The following TJP3 variants were observed in gnomAD, a reference collection of about 807,000 sequenced individuals.
TJP3 encodes tight junction protein ZO-3.
In TJP3, 85 loss-of-function variants were observed where a neutral mutation model predicts 104.2. The observed-to-expected ratio is 0.82, with a 90% CI of 0.68 to 0.98. TJP3 has a LOEUF of 0.98. Among genes scored for constraint, TJP3 ranks in the 50% least tolerant of loss-of-function variants. The pLI, the probability that TJP3 is intolerant of heterozygous loss-of-function variation, is 0.00. For synonymous variants in TJP3, 550 were observed against 550.6 expected, an observed-to-expected ratio of 1.00 and a Z score of 0.02; for missense variants, 1,367 against 1,322.8, an observed-to-expected ratio of 1.03 and a Z score of -0.52.
At chr19:3,749,292 C>T (rs2036956578) in intron 19 of TJP3, among the ~76,000 whole-genome samples, 1 of 152,120 alleles carries the variant, frequency 6.6e-6, no homozygotes, top group South Asian at 2.1e-4. Context: ...AGTTTTGGCA[C>T]ATAGTAGTTG....
In TJP3 at chr19:3,746,518, G is replaced by A. The variant is rs777190792; in HGVS notation, c.2044G>A (p.Ala682Thr). ...KHALLDVTPS[A>T]IERLNYVQYY... ...TGCGCTCCTGGATGTGACCCCCTCCGCCATCGAGCGCCTCAACTATGTGCA... is the reference window on the plus strand; with the variant it reads ...TGCGCTCCTGGATGTGACCCCCTCCACCATCGAGCGCCTCAACTATGTGCA... Residue 682 changes from alanine to threonine, a missense_variant, in exon 17 of 21, where the codon GCC becomes ACC. By Grantham distance (58) the Ala-to-Thr change is moderately conservative. Transcript: ENST00000541714. This position sits in a 1 kb window ranked among gnomAD's most constrained non-coding sequence, Gnocchi z 4.1. 7.4e-6 allele frequency: 12 copies of A among 1,613,814 alleles called. No individual in the cohort carries two copies. Among genetic ancestry groups the A allele is most frequent in the Middle Eastern group, 1.6e-4 (1 of 6,084 alleles).
At chr19:3,718,626 G>A (rs556436096) in intron 1 of TJP3, among the ~76,000 whole-genome samples, 7 of 151,432 alleles carry the variant, frequency 4.6e-5, no homozygotes, top group South Asian at 2.1e-4. Context: ...GCGCCACCAC[G>A]CCCAGCTAAT....
At chr19:3,712,778 G>A (rs595952) in intron 1 of TJP3, among the ~76,000 whole-genome samples, 102,077 of 151,606 alleles carry the variant, frequency 0.67, 35,011 homozygotes, top group East Asian at 1. Context: ...GCGAGATACC[G>A]TCTCTACAAA....
At chr19:3,743,882 A>G in intron 14 of TJP3, 57 bp from the exon 15 acceptor site, 3 of 1,506,150 alleles carry the variant, frequency 2.0e-6, no homozygotes, top group Non-Finnish European at 2.8e-6. Flanking sequence ...ACAACACACT[A>G]GCAGTCTTTG....
intron 1 of TJP3, among the ~76,000 whole-genome samples, chr19:3,718,212 AGTGTGT>A (rs71339057): frequency 0.029 from 1,414 of 48,130 alleles, 51 homozygotes; most frequent in African/African-American, 0.093. Flanking sequence ...AAAAAAAAAA[AGTGTGT>A]GTGTGTGTGT....
chr19:3,738,994 C>G lies in TJP3; in HGVS notation c.1491C>G (p.Thr497=), dbSNP rs773081941. 1.3e-5 allele frequency: 21 copies of G among 1,613,128 alleles called. 1 individual carries two copies. In the South Asian group the frequency reaches 2.2e-4, roughly 17 times the overall value. The change falls in exon 13 of 21, where the codon ACC becomes ACG. Residue 497 remains threonine (T), a synonymous_variant. Transcript: ENST00000541714. ...EPSPPSGLGF[T]RGDVFHVLDT... ...GTCCACCGTCTGGCCTGGGCTTCAC[C>G]CGTGGCGACGTCTTCCACGTGCTGG...
Position 3,717,336 on chromosome 19 carries a change from C to G in TJP3, c.-10+8775C>G, listed in dbSNP as rs1183338839. ...CAGGCTGGTCTCAAACTCCTGACCT[C>G]AAGTGATTCGGCCGCCTTGGCCATC... On this transcript the variant is annotated intron_variant, in intron 1 of 20. Coordinates refer to ENST00000541714, the MANE Select transcript of TJP3 (RefSeq NM_001267560.2). 1.6e-5 allele frequency among the ~76,000 whole-genome samples: 2 copies of G among 126,164 alleles called. 1 individual carries two copies. Among genetic ancestry groups the G allele is most frequent in the South Asian group, 6.1e-4 (2 of 3,278 alleles). 82.8% of individuals were successfully genotyped at this position (126,164 alleles called of 152,430 possible). A position where few individuals can be genotyped will look rare whatever the true frequency, so the allele number is the denominator to read the frequency against.
intron 1 of TJP3, among the ~76,000 whole-genome samples, chr19:3,719,802 A>G (rs1321109021): frequency 6.6e-5 from 10 of 152,056 alleles, no homozygotes; most frequent in Non-Finnish European, 1.3e-4. Flanking sequence ...GTGCGTTGAA[A>G]TGCCTTCTAC....
chr19:3,725,062 A>T (rs1267367485), intron 1 of TJP3, among the ~76,000 whole-genome samples: 1 of 152,060 alleles, frequency 6.6e-6, no homozygotes, highest in Non-Finnish European at 1.5e-5. Context: ...GGAATTTGAG[A>T]CCAGCTTGGT....
chr19:3,743,872 A>G (rs2036852701), intron 14 of TJP3, 67 bp from the exon 15 acceptor site: 1 of 1,461,604 alleles, frequency 6.8e-7, no homozygotes, highest in Non-Finnish European at 9.6e-7. Flanking sequence ...AGGGGTTTGT[A>G]CAACACACTA....
chr19:3,719,237 C>T (rs1205537104), intron 1 of TJP3, among the ~76,000 whole-genome samples: 1 of 145,826 alleles, frequency 6.9e-6, no homozygotes, highest in Non-Finnish European at 1.5e-5. Context: ...TTTTGCGCCA[C>T]CTGCTGGTGG....
At position 3,739,044 on chromosome 19, in the gene TJP3, A is replaced by C. The variant is rs2036776954; in HGVS notation, c.1541A>C (p.Gln514Pro). 2.5e-6 allele frequency: 4 copies of C among 1,610,884 alleles called. No individual in the cohort carries two copies. The African/African-American group carries it at 4.0e-5, about 16-fold the overall frequency. The change falls in exon 13 of 21, where the codon CAG (glutamine) becomes CCG (proline). Residue 514 changes from glutamine to proline, a missense_variant. Gln to Pro is a moderately conservative substitution (Grantham distance 76). Coordinates refer to ENST00000541714, the MANE Select transcript of TJP3 (RefSeq NM_001267560.2). Reference protein sequence around the residue: ...VLDTLHPGPGQSHARGGHWLA... With the variant: ...VLDTLHPGPGPSHARGGHWLA... ...GACACGCTGCACCCCGGCCCCGGGCAGAGCCACGCACGAGGAGGCCACTGG... is the reference window on the plus strand; with the variant it reads ...GACACGCTGCACCCCGGCCCCGGGCCGAGCCACGCACGAGGAGGCCACTGG...
At position 3,730,227 on chromosome 19, in the gene TJP3, T is replaced by G; in HGVS notation, c.261+97T>G. ...AGCTTCTGAGAGCAAGGAGTCATCT[T>G]CTCATCTTACAGTTTGGACATTGAG... On this transcript the variant is annotated intron_variant, in intron 4 of 20. Coordinates refer to ENST00000541714, the MANE Select transcript of TJP3 (RefSeq NM_001267560.2). This position sits in a 1 kb window ranked among gnomAD's most constrained non-coding sequence, Gnocchi z 7.3. 6.6e-7 allele frequency: 1 copy of G among 1,523,628 alleles called. No individual in the cohort carries two copies. 94.4% of individuals were successfully genotyped at this position (1,523,628 alleles called of 1,614,324 possible). A position where few individuals can be genotyped will look rare whatever the true frequency, so the allele number is the denominator to read the frequency against.
chr19:3,722,974 T>C (rs1331635132), intron 1 of TJP3, among the ~76,000 whole-genome samples: 1 of 26,732 alleles, frequency 3.7e-5, no homozygotes, highest in Non-Finnish European at 8.1e-5. Flanking sequence ...TGTCCAGCCC[T>C]GGGCGGGGGG....
chr19:3,747,904 C>CG lies in TJP3; in HGVS notation c.2434dup (p.Glu812GlyfsTer24). On this transcript the variant is annotated frameshift_variant, in exon 19 of 21. Transcript: ENST00000541714. LOFTEE classifies it high-confidence loss of function. ...TTAACAGCGACTACGAGACGGACGGCGAGGGCGGCGCGTACACGGATGGCG... is the reference window on the plus strand; with the variant it reads ...TTAACAGCGACTACGAGACGGACGGCGGAGGGCGGCGCGTACACGGATGGCG... The CG allele has an allele frequency of 6.2e-7, 1 of 1,613,182 alleles. No individual in the cohort carries two copies. Among genetic ancestry groups the CG allele is most frequent in the African/African-American group, 1.3e-5 (1 of 75,022 alleles).
At chr19:3,742,612 C>T (rs2036837009) in intron 14 of TJP3, among the ~76,000 whole-genome samples, 2 of 60,566 alleles carry the variant, frequency 3.3e-5, no homozygotes, top group Admixed American at 1.9e-4. Flanking sequence ...ACACTGTCAT[C>T]GCGCTGCTCC....
rs565775571 is a variant in TJP3 at position 3,721,879 on chromosome 19, C to T, written c.-9-6545C>T. ...CCCCTCGGGTAGGGGGGCTGGAGAG[C>T]CCCCAGGTGGACCATGGCGGTGAGA... On this transcript the variant is annotated intron_variant, in intron 1 of 20. Coordinates refer to ENST00000541714, the MANE Select transcript of TJP3 (RefSeq NM_001267560.2). 8.3e-4 allele frequency: 1,020 copies of T among 1,227,132 alleles called. 6 individuals carry two copies. In the African/African-American group the frequency reaches 0.015, roughly 18 times the overall value. 76.0% of individuals were successfully genotyped at this position (1,227,132 alleles called of 1,614,324 possible).
At chr19:3,709,053 A>G (rs1038111256) in intron 1 of TJP3, among the ~76,000 whole-genome samples, 12 of 151,866 alleles carry the variant, frequency 7.9e-5, no homozygotes, top group African/African-American at 2.9e-4. Context: ...CCAACCCCTC[A>G]CCCTGTTCTC....
intron 19 of TJP3, 29 bp from the exon 20 acceptor site, chr19:3,750,109 T>C: frequency 6.2e-7 from 1 of 1,613,976 alleles, no homozygotes; most frequent in Admixed American, 1.7e-5. Context: ...GGGGGGAGTT[T>C]TGAAGCTCCT....
Sources: gnomAD v4.1 joint callset for allele counts (sites outside exome capture counted in the v4.1 genomes callset) on GRCh38, gnomAD v4.1.1 for gene constraint, Gnocchi (gnomAD v3.1) non-coding constraint, MANE v1.5 for transcripts, NCBI Gene and HGNC (gene_info 2026-07-23, HGNC 2026-07-21) for gene names.